Variants in NRXN3 observed in about 807,000 individuals in gnomAD.
The protein encoded by NRXN3 is neurexin 3, also known as neurexin III.
NRXN3 carries 32 observed loss-of-function variants against 137.6 expected under a neutral mutation model. That is an observed-to-expected ratio of 0.23 (90% CI 0.18 to 0.31). The LOEUF (loss-of-function observed/expected upper bound fraction) is 0.31, where lower values mean the gene tolerates loss of function less well. Ranked by LOEUF, NRXN3 falls within the 10% of genes least tolerant of loss-of-function variation. NRXN3 has a pLI of 1.00. For missense variants in NRXN3, 1,574 were observed against 2,062.5 expected (o/e 0.76, Z 4.59); for synonymous variants, 798 against 784.5 (o/e 1.02, Z -0.29).
chr14:79,220,678 A>G (rs2069430361), intron 15 of NRXN3, among the ~76,000 whole-genome samples: 1 of 152,102 alleles, frequency 6.6e-6, no homozygotes, highest in African/African-American at 2.4e-5. Context: ...ATCATATGGT[A>G]TGTAGCTTTT....
intron 15 of NRXN3, among the ~76,000 whole-genome samples, chr14:79,360,358 G>T (rs1247178485): frequency 6.6e-6 from 1 of 152,184 alleles, no homozygotes; most frequent in East Asian, 1.9e-4. Context: ...GCCTACCTTG[G>T]CCTCCCAAAG....
chr14:78,589,498 C>T (rs916693496), intron 4 of NRXN3, among the ~76,000 whole-genome samples: 1 of 152,216 alleles, frequency 6.6e-6, no homozygotes, highest in African/African-American at 2.4e-5. Flanking sequence ...GTCTGACCTT[C>T]CCCATGAAAT....
At chr14:78,787,683 A>G (rs76882458) in intron 8 of NRXN3, among the ~76,000 whole-genome samples, 5,642 of 152,294 alleles carry the variant, frequency 0.037, 133 homozygotes, top group Non-Finnish European at 0.059. Flanking sequence ...AGCTTTGAGC[A>G]AAACAAGCAA....
At position 79,331,626 on chromosome 14, in the gene NRXN3, C is replaced by G. The variant is rs1203650264; in HGVS notation, c.3263-135595C>G. Among the ~76,000 whole-genome samples the G allele has an allele frequency of 2.0e-5, 3 of 152,122 alleles. No homozygotes were observed. In the East Asian group the frequency reaches 5.8e-4, roughly 29 times the overall value. ...GAAAAATCCAAGGCAGCTTTTAGGA[C>G]AGTCACCTTTAATTACCCACCACCG... On this transcript the variant is annotated intron_variant, in intron 15 of 20. Coordinates refer to ENST00000335750, the MANE Select transcript of NRXN3 (RefSeq NM_001330195.2).
At chr14:79,031,508 G>T (rs1019740123) in intron 15 of NRXN3, among the ~76,000 whole-genome samples, 7 of 152,028 alleles carry the variant, frequency 4.6e-5, no homozygotes, top group East Asian at 3.9e-4. Flanking sequence ...CTTTTCCCTT[G>T]GTTCCTAAAG....
chr14:79,818,616 C>T (rs539536696), intron 20 of NRXN3, among the ~76,000 whole-genome samples: 1 of 152,284 alleles, frequency 6.6e-6, no homozygotes, highest in South Asian at 2.1e-4. Flanking sequence ...CTTTCTGACA[C>T]CCACATGCTC....
At chr14:78,963,794 T>C (rs1297633122) in intron 11 of NRXN3, among the ~76,000 whole-genome samples, 1 of 152,166 alleles carries the variant, frequency 6.6e-6, no homozygotes, top group Non-Finnish European at 1.5e-5. Flanking sequence ...AGAAATTTTA[T>C]TTTTATTTTT....
rs1038786288 is a variant in NRXN3 at position 79,441,672 on chromosome 14, A to G, written c.3263-25549A>G. On this transcript the variant is annotated intron_variant, in intron 15 of 20. Coordinates refer to ENST00000335750, the MANE Select transcript of NRXN3 (RefSeq NM_001330195.2). The stretch of plus-strand genomic sequence containing the variant: ...TGGGATTACAGGCGTGAGCCACCAC[A>G]CCCGACCGACAAACAGAAAATCTTA... Among the ~76,000 whole-genome samples the G allele has an allele frequency of 4.6e-4, 70 of 151,626 alleles. No individual in the cohort carries two copies. In the East Asian group the frequency reaches 5.7e-3, roughly 12 times the overall value.
At chr14:79,235,663 A>G (rs1333222241) in intron 15 of NRXN3, among the ~76,000 whole-genome samples, 1 of 152,186 alleles carries the variant, frequency 6.6e-6, no homozygotes, top group African/African-American at 2.4e-5. Flanking sequence ...ACTCAGAGAA[A>G]AATAATTATA....
intron 4 of NRXN3, among the ~76,000 whole-genome samples, chr14:78,587,278 C>T (rs1052460607): frequency 6.6e-6 from 1 of 152,120 alleles, no homozygotes; most frequent in Non-Finnish European, 1.5e-5. Context: ...TGCTACTTTC[C>T]CTGGTCAACC....
chr14:78,207,018 C>T (rs2062258014), intron 1 of NRXN3, among the ~76,000 whole-genome samples: 2 of 152,106 alleles, frequency 1.3e-5, no homozygotes, highest in Admixed American at 6.5e-5. Context: ...TGTGCACCAC[C>T]ATGCCTGGCT....
chr14:79,770,367 C>G (rs1447460256), intron 19 of NRXN3, among the ~76,000 whole-genome samples: 5 of 149,614 alleles, frequency 3.3e-5, no homozygotes, highest in African/African-American at 4.9e-5. Flanking sequence ...TGACCACATA[C>G]TTGGAAGTAA....
chr14:78,539,552 A>C (rs1278265101), intron 4 of NRXN3, among the ~76,000 whole-genome samples: 1 of 152,060 alleles, frequency 6.6e-6, no homozygotes, highest in Non-Finnish European at 1.5e-5. Flanking sequence ...GATCTTTTCA[A>C]AAAACCAGCC....
chr14:78,869,975 G>A (rs2099097326), intron 10 of NRXN3, among the ~76,000 whole-genome samples: 1 of 152,140 alleles, frequency 6.6e-6, no homozygotes, highest in African/African-American at 2.4e-5. Flanking sequence ...TGACTAAGAG[G>A]TAACATCAGG....
chr14:79,238,193 T>A (rs903078057), intron 15 of NRXN3, among the ~76,000 whole-genome samples: 4 of 152,060 alleles, frequency 2.6e-5, no homozygotes, highest in Non-Finnish European at 5.9e-5. Context: ...CCTTGAAAGT[T>A]TTAATATTTT....
chr14:79,606,760 C>T (rs532375859), intron 16 of NRXN3, among the ~76,000 whole-genome samples: 3 of 152,256 alleles, frequency 2.0e-5, no homozygotes, highest in African/African-American at 4.8e-5. Flanking sequence ...TCCAGAGTCA[C>T]GGTTTTCAAG....
rs918800186 is a variant in NRXN3, at chr14:78,680,434, A to G, written c.1222-28783A>G. On this transcript the variant is annotated intron_variant, in intron 6 of 20. Transcript: ENST00000335750. ...TTATTACTGAAAAAATACATATTGT[A>G]AACCTTAAAAAATAAGAGACGACAG... Among the ~76,000 whole-genome samples, 4 of 152,368 alleles carry G rather than the reference A, an allele frequency of 2.6e-5. No homozygotes were observed. The South Asian group carries it at 8.3e-4, about 32-fold the overall frequency.
At chr14:78,600,237 G>T (rs1359282037) in intron 4 of NRXN3, among the ~76,000 whole-genome samples, 2 of 152,168 alleles carry the variant, frequency 1.3e-5, no homozygotes, top group African/African-American at 2.4e-5. Context: ...TTGTTATACA[G>T]CACCACAAAT....
At chr14:79,611,987 A>G (rs1179943655) in intron 16 of NRXN3, among the ~76,000 whole-genome samples, 3 of 152,238 alleles carry the variant, frequency 2.0e-5, no homozygotes, top group African/African-American at 7.2e-5. Flanking sequence ...TCTAGTTAAC[A>G]TATAGCAAAT....
Sources: allele counts gnomAD v4.1 joint callset (sites outside exome capture counted in the v4.1 genomes callset), GRCh38; gene constraint gnomAD v4.1.1; transcripts MANE v1.5; gene names NCBI Gene and HGNC (gene_info 2026-07-23, HGNC 2026-07-21).